Variants in DEPTOR observed in about 807,000 individuals in gnomAD.
The protein encoded by DEPTOR is DEP domain containing MTOR interacting protein, also known as DEP domain-containing mTOR-interacting protein.
In DEPTOR, 41 loss-of-function variants were observed where a neutral mutation model predicts 41.6. That is an observed-to-expected ratio of 0.98 (90% CI 0.77 to 1.28). The LOEUF is 1.28. DEPTOR is among the 50% of genes most tolerant of loss of function. The pLI, the probability that DEPTOR is intolerant of heterozygous loss-of-function variation, is 0.00. For missense variants in DEPTOR, 514 were observed against 527.9 expected (o/e 0.97, Z 0.26); for synonymous variants, 195 against 192.3 (o/e 1.01, Z -0.12).
At position 119,873,891 on chromosome 8, in the gene DEPTOR, C is replaced by A; in HGVS notation, c.45C>A (p.Ser15Arg). The change falls in exon 1 of 9, where the codon AGC becomes AGA. Residue 15 changes from serine (S) to arginine (R), a missense_variant. By Grantham distance (110) the Ser-to-Arg change is moderately radical. Transcript: ENST00000286234. ...CTGGCAGTGCTGGCAGTGACAGCAG[C>A]ACCAGCGGGAGTGGCGGGGCGCAGC... The part of the protein sequence containing the change: ...GSTGSAGSDS[S>R]TSGSGGAQQR... 6.2e-7 allele frequency: 1 copy of A among 1,613,786 alleles called. No individual in the cohort carries two copies. Among genetic ancestry groups the A allele is most frequent in the Non-Finnish European group, 8.5e-7 (1 of 1,179,900 alleles).
intron 4 of DEPTOR, among the ~76,000 whole-genome samples, chr8:119,987,935 A>G (rs1828850584): frequency 1.3e-5 from 2 of 152,158 alleles, no homozygotes; most frequent in Admixed American, 1.3e-4. Flanking sequence ...TAAAGCCAGT[A>G]GATCTTAGCT....
At chr8:119,998,744 T>C (rs1204819710) in intron 4 of DEPTOR, among the ~76,000 whole-genome samples, 6 of 152,248 alleles carry the variant, frequency 3.9e-5, no homozygotes, top group African/African-American at 1.4e-4. Context: ...TAGTCATACA[T>C]GAGCAGTTTT....
chr8:119,893,798 G>C (rs1396260577), intron 1 of DEPTOR, among the ~76,000 whole-genome samples: 5 of 151,680 alleles, frequency 3.3e-5, no homozygotes, highest in Admixed American at 2.6e-4. Context: ...TCTCTCCATA[G>C]GTTCTTGAGA....
chr8:119,978,761 A>G (rs1828727354), intron 4 of DEPTOR, among the ~76,000 whole-genome samples: 1 of 152,128 alleles, frequency 6.6e-6, no homozygotes, highest in Admixed American at 6.5e-5. Flanking sequence ...GCCTTGCTGC[A>G]CTGCTGTCAC....
chr8:119,996,934 A>G (rs1812270220), intron 4 of DEPTOR, among the ~76,000 whole-genome samples: 3 of 152,192 alleles, frequency 2.0e-5, no homozygotes, highest in Non-Finnish European at 4.4e-5. Flanking sequence ...AAATTTTATT[A>G]TAGCATTACT....
At chr8:119,879,233 A>G (rs1439485719) in intron 1 of DEPTOR, among the ~76,000 whole-genome samples, 1 of 152,184 alleles carries the variant, frequency 6.6e-6, no homozygotes, top group Non-Finnish European at 1.5e-5. Context: ...CCTACACACT[A>G]CTTGGTGGGA....
Position 119,928,552 on chromosome 8 carries a change from T to C in DEPTOR, c.275T>C (p.Leu92Ser), listed in dbSNP as rs758264282. ...RETAIKLMQK[L>S]ADRGIIHHVC... is the part of the protein sequence containing the mutation. ...ACGGCAATTAAACTCATGCAGAAAT[T>C]AGCAGACCGGGGCATTATTCACCAT... The change falls in exon 2 of 9, where the codon TTA becomes TCA. Residue 92 changes from leucine to serine, a missense_variant. By Grantham distance (145) the Leu-to-Ser change is moderately radical (BLOSUM62 -2). Coordinates refer to ENST00000286234, the MANE Select transcript of DEPTOR (RefSeq NM_022783.4). 1.2e-6 allele frequency: 2 copies of C among 1,614,124 alleles called. No individual in the cohort carries two copies. Among genetic ancestry groups the C allele is most frequent in the Non-Finnish European group, 1.7e-6 (2 of 1,180,004 alleles).
intron 8 of DEPTOR, among the ~76,000 whole-genome samples, chr8:120,009,762 C>T (rs1021820618): frequency 6.6e-6 from 1 of 152,082 alleles, no homozygotes; most frequent in Non-Finnish European, 1.5e-5. Flanking sequence ...TTCCTTTTCC[C>T]TTTCTGAATG....
At chr8:119,975,707 G>A (rs929799719) in intron 4 of DEPTOR, among the ~76,000 whole-genome samples, 1 of 151,932 alleles carries the variant, frequency 6.6e-6, no homozygotes, top group Non-Finnish European at 1.5e-5. Flanking sequence ...TGGAGTGGAG[G>A]GGAAGGGAGC....
At chr8:119,925,109 G>C (rs1042093017) in intron 1 of DEPTOR, among the ~76,000 whole-genome samples, 5 of 152,206 alleles carry the variant, frequency 3.3e-5, no homozygotes, top group Admixed American at 6.5e-5. Context: ...AACCATCAAG[G>C]CTGAGTGTGG....
chr8:119,873,935 T>A lies in DEPTOR; in HGVS notation c.89T>A (p.Met30Lys), dbSNP rs1017378341. 1 of 1,613,646 alleles carries A rather than the reference T, an allele frequency of 6.2e-7. No individual in the cohort carries two copies. The highest frequency in any genetic ancestry group is 8.5e-7 in the Non-Finnish European group (1 of 1,179,818). Residue 30 changes from methionine to lysine, a missense_variant, in exon 1 of 9, where the codon ATG becomes AAG. Met to Lys is a moderately conservative substitution (Grantham distance 95, BLOSUM62 -1). Transcript: ENST00000286234. ...GCGCAGCAAAGGGAGCTGGAGCGCATGGCTGAGGTCTTGGTCACCGGGGAA... is the reference window on the plus strand; with the variant it reads ...GCGCAGCAAAGGGAGCTGGAGCGCAAGGCTGAGGTCTTGGTCACCGGGGAA... ...GGAQQRELERMAEVLVTGEQL... is the reference protein window; with the variant it reads ...GGAQQRELERKAEVLVTGEQL...
chr8:119,961,289 G>A (rs1828487776), intron 3 of DEPTOR, among the ~76,000 whole-genome samples: 1 of 151,836 alleles, frequency 6.6e-6, no homozygotes. Flanking sequence ...GGTGGTGCAT[G>A]CCTGTTATCC....
At chr8:119,900,339 A>AG (rs1491314195) in intron 1 of DEPTOR, among the ~76,000 whole-genome samples, 149 of 82,604 alleles carry the variant, frequency 1.8e-3, no homozygotes, top group Middle Eastern at 0.021. Context: ...AAAAAAAAAG[A>AG]AAAAAAAAAA....
chr8:119,974,323 AT>A (rs1307310654), intron 4 of DEPTOR, among the ~76,000 whole-genome samples: 1 of 148,634 alleles, frequency 6.7e-6, no homozygotes, highest in Admixed American at 6.8e-5. Flanking sequence ...AGGAAAAATA[AT>A]TTTTTCTTTA....
At position 120,009,012 on chromosome 8, in the gene DEPTOR, G is replaced by T. The variant is rs1812490729; in HGVS notation, c.997-17G>T. The T allele has an allele frequency of 6.2e-7, 1 of 1,613,280 alleles. No homozygotes were observed. Among genetic ancestry groups the T allele is most frequent in the Non-Finnish European group, 8.5e-7 (1 of 1,179,628 alleles). On this transcript the variant is annotated splice_polypyrimidine_tract_variant and intron_variant, in intron 7 of 8. Transcript: ENST00000286234. ...GGAGACAGTCGGCTGCTTGCTAATT[G>T]TGGTTTTCCTCTCTAGATTGTTGGT...
chr8:120,042,001 G>A (rs558225445), intron 8 of DEPTOR, among the ~76,000 whole-genome samples: 3 of 152,018 alleles, frequency 2.0e-5, no homozygotes, highest in Admixed American at 2.0e-4. Context: ...GAGTTACAGA[G>A]CAGTTATATG....
intron 1 of DEPTOR, among the ~76,000 whole-genome samples, chr8:119,916,176 T>C (rs1218943582): frequency 3.3e-5 from 5 of 151,804 alleles, no homozygotes; most frequent in Non-Finnish European, 2.9e-5. Context: ...CTCAGCTCAC[T>C]GCAACCTCCA....
intron 3 of DEPTOR, among the ~76,000 whole-genome samples, chr8:119,953,930 G>A (rs1224096874): frequency 4.0e-5 from 6 of 149,678 alleles, no homozygotes; most frequent in South Asian, 2.1e-4. Flanking sequence ...TCAACCTCCC[G>A]AGTATCTGAG....
intron 1 of DEPTOR, among the ~76,000 whole-genome samples, chr8:119,885,611 T>C (rs1278151271): frequency 6.6e-6 from 1 of 152,218 alleles, no homozygotes; most frequent in African/African-American, 2.4e-5. Context: ...TTTTCTCTTG[T>C]TATACTTGAA....
Sources: gnomAD v4.1 joint callset for allele counts (sites outside exome capture counted in the v4.1 genomes callset) on GRCh38, gnomAD v4.1.1 for gene constraint, MANE v1.5 for transcripts, NCBI Gene and HGNC (gene_info 2026-07-23, HGNC 2026-07-21) for gene names.